The following USP42 variants were observed in gnomAD, a reference collection of about 807,000 sequenced individuals.
USP42 encodes ubiquitin carboxyl-terminal hydrolase 42.
USP42 carries 23 observed loss-of-function variants against 113.0 expected under a neutral mutation model. That is an observed-to-expected ratio of 0.20 (90% confidence interval 0.15 to 0.29). USP42 has a LOEUF of 0.29. Ranked by LOEUF, USP42 falls within the 10% of genes least tolerant of loss-of-function variation. The pLI, the probability that USP42 is intolerant of heterozygous loss-of-function variation, is 1.00. For missense variants in USP42, 2,174 were observed against 1,779.8 expected (o/e 1.22, Z -3.99); for synonymous variants, 933 against 699.0 (o/e 1.33, Z -5.28).
rs960757533 is a variant in USP42 at position 6,158,890 on chromosome 7, A to G, written c.3944-560A>G. On this transcript the variant is annotated intron_variant, in intron 16 of 17. Coordinates refer to ENST00000306177, the MANE Select transcript of USP42 (RefSeq NM_032172.3). This position sits in a 1 kb window ranked among gnomAD's most constrained non-coding sequence, Gnocchi z 4.2. ...CGAGGCAGCTGGTCCAGCGGGAGGG[A>G]GGTTGAACGTGATCTTGTTTGCCTC... 6.6e-6 allele frequency among the ~76,000 whole-genome samples: 1 copy of G among 150,760 alleles called. No individual in the cohort carries two copies. Among genetic ancestry groups the G allele is most frequent in the Non-Finnish European group, 1.5e-5 (1 of 67,700 alleles).
rs760236752 is a variant in USP42 at position 6,156,803 on chromosome 7, C to T, written c.3691C>T (p.His1231Tyr). The T allele has an allele frequency of 1.2e-6, 2 of 1,603,470 alleles. No individual in the cohort carries two copies. The highest frequency in any genetic ancestry group is 1.1e-5 in the South Asian group (1 of 89,326). ...LSAACSDADL[H>Y]RHKKKKKKKK... ...AGCAGCGTGCTCTGACGCTGACCTC[C>T]ACAGACACAAAAAAAAGAAGAAGAA... Residue 1231 changes from histidine to tyrosine, a missense_variant, in exon 16 of 18, where the codon CAC becomes TAC. Transcript: ENST00000306177.
Position 6,158,345 on chromosome 7 carries a change from C to T in USP42, c.3944-1105C>T, listed in dbSNP as rs935068429. ...AAAGGGTTTGTCACCCCTGCCTGGACGCCCATTGTTTGTGTTCACGTGTGA... is the reference window on the plus strand; with the variant it reads ...AAAGGGTTTGTCACCCCTGCCTGGATGCCCATTGTTTGTGTTCACGTGTGA... On this transcript the variant is annotated intron_variant, in intron 16 of 17. Coordinates refer to ENST00000306177, the MANE Select transcript of USP42 (RefSeq NM_032172.3). This position sits in a 1 kb window ranked among gnomAD's most constrained non-coding sequence, Gnocchi z 4.2. 2.6e-5 allele frequency among the ~76,000 whole-genome samples: 4 copies of T among 152,194 alleles called. No individual in the cohort carries two copies. Among genetic ancestry groups the T allele is most frequent in the Admixed American group, 6.5e-5 (1 of 15,286 alleles).
rs1003930888 is a variant in USP42 at position 6,158,260 on chromosome 7, G to A, written c.3944-1190G>A. On this transcript the variant is annotated intron_variant, in intron 16 of 17. Coordinates refer to ENST00000306177, the MANE Select transcript of USP42 (RefSeq NM_032172.3). The surrounding 1 kb of genome is among the most constrained non-coding windows in gnomAD (Gnocchi z 4.2). The stretch of plus-strand genomic sequence containing the variant: ...CTGCCTGGCAGAGGTGAGTGGCTGC[G>A]GCAGGGCAGGGACCGTGTGGCTCGC... 6.6e-6 allele frequency among the ~76,000 whole-genome samples: 1 copy of A among 152,208 alleles called. No individual in the cohort carries two copies.
intron 6 of USP42, among the ~76,000 whole-genome samples, chr7:6,140,404 C>T (rs763820): frequency 6.6e-6 from 1 of 152,126 alleles, no homozygotes; most frequent in Admixed American, 6.5e-5. Flanking sequence ...TGGGAGCATA[C>T]TGTGTGCACT....
rs771306796 is a variant in USP42 at position 6,146,222 on chromosome 7, A to G, written c.1206A>G (p.Gln402=). ...GTGATATTAGATCGGTACTCAGCCA[A>G]CAAGCCTATGTGCTCTTTTATATCA... ...STSDIRSVLS[Q]QAYVLFYIRS... Residue 402 remains glutamine, a synonymous_variant, in exon 11 of 18, where the codon CAA becomes CAG. Coordinates refer to ENST00000306177, the MANE Select transcript of USP42 (RefSeq NM_032172.3). 4.4e-6 allele frequency: 7 copies of G among 1,600,404 alleles called. No individual in the cohort carries two copies. Among genetic ancestry groups the G allele is most frequent in the South Asian group, 1.1e-5 (1 of 87,486 alleles).
At chr7:6,113,621 T>C (rs529007419) in intron 2 of USP42, among the ~76,000 whole-genome samples, 3 of 152,192 alleles carry the variant, frequency 2.0e-5, no homozygotes, top group African/African-American at 7.2e-5. Context: ...TTTTTTGTTT[T>C]TGTTTTTGTT....
chr7:6,125,322 C>G (rs929468280), intron 3 of USP42, among the ~76,000 whole-genome samples: 16 of 152,008 alleles, frequency 1.1e-4, no homozygotes, highest in African/African-American at 3.9e-4. Context: ...AACTTTGTCT[C>G]TACTAAAAAT....
chr7:6,146,320 T>A (rs1583662416), intron 11 of USP42, 72 bp downstream of exon 11: 5 of 959,858 alleles, frequency 5.2e-6, no homozygotes, highest in Non-Finnish European at 7.7e-6. Flanking sequence ...CATGTTTGAA[T>A]TCAATATTCA....
rs548343021 is a variant in USP42, at chr7:6,142,911, T to C, written c.796-21T>C. On this transcript the variant is annotated intron_variant, in intron 7 of 17. Coordinates refer to ENST00000306177, the MANE Select transcript of USP42 (RefSeq NM_032172.3). ...GTGACGGTGTGCGGTGATGTGGTGTTTGTGCCTCTTCTCTTCCCAGGCTGC... is the reference window on the plus strand; with the variant it reads ...GTGACGGTGTGCGGTGATGTGGTGTCTGTGCCTCTTCTCTTCCCAGGCTGC... 6 of 1,613,174 alleles carry C rather than the reference T, an allele frequency of 3.7e-6. No homozygotes were observed. In the East Asian group the frequency reaches 1.3e-4, roughly 36 times the overall value.
At chr7:6,114,674 A>AT (rs1319929669) in intron 2 of USP42, among the ~76,000 whole-genome samples, 642 of 34,726 alleles carry the variant, frequency 0.018, 31 homozygotes, top group Middle Eastern at 0.036. Flanking sequence ...ATATATATAT[A>AT]TATATTTTTT....
Position 6,139,576 on chromosome 7 carries a change from C to T in USP42, c.656+382C>T, listed in dbSNP as rs917051435. On this transcript the variant is annotated intron_variant, in intron 5 of 17. Transcript: ENST00000306177. This position sits in a 1 kb window ranked among gnomAD's most constrained non-coding sequence, Gnocchi z 4.5. ...GTGTTTATTTCCTGAACCCCCACCCCAATCAGTTACTGATTCTTGTAGCTA... is the reference window on the plus strand; with the variant it reads ...GTGTTTATTTCCTGAACCCCCACCCTAATCAGTTACTGATTCTTGTAGCTA... 1.5e-5 allele frequency: 3 copies of T among 198,756 alleles called. No homozygotes were observed. Among genetic ancestry groups the T allele is most frequent in the African/African-American group, 7.1e-5 (3 of 42,342 alleles). 12.3% of individuals were successfully genotyped at this position (198,756 alleles called of 1,614,324 possible).
chr7:6,125,040 G>C (rs956115103), intron 3 of USP42, among the ~76,000 whole-genome samples: 6 of 151,850 alleles, frequency 4.0e-5, no homozygotes, highest in African/African-American at 1.5e-4. Context: ...AATTAGCCGG[G>C]TGTGGTGGCT....
Position 6,154,693 on chromosome 7 carries a change from G to C in USP42, c.3139G>C (p.Glu1047Gln). 1 of 1,603,504 alleles carries C rather than the reference G, an allele frequency of 6.2e-7. No individual in the cohort carries two copies. Among genetic ancestry groups the C allele is most frequent in the Non-Finnish European group, 8.5e-7 (1 of 1,176,014 alleles). ...CGAGGGCGAGCGTGGCTGGGGCCGG[G>C]AGAAGTTCTACCCCGACAGGCCGCG... ...YTEGERGWGR[E>Q]KFYPDRPRWD... Residue 1047 changes from glutamate (E) to glutamine (Q), a missense_variant, in exon 15 of 18, where the codon GAG becomes CAG. Transcript: ENST00000306177.
intron 3 of USP42, among the ~76,000 whole-genome samples, chr7:6,122,669 A>T (rs111958580): frequency 0.096 from 14,533 of 151,234 alleles, 849 homozygotes; most frequent in African/African-American, 0.16. Flanking sequence ...TGGGGTTTCA[A>T]CATGTTGGCC....
upstream of USP42, among the ~76,000 whole-genome samples, chr7:6,103,741 A>AAG: frequency 6.8e-6 from 1 of 146,892 alleles, no homozygotes; most frequent in East Asian, 2.0e-4. Context: ...GTCTCTACAA[A>AAG]AAAAAAAAAA....
the USP42 span, among the ~76,000 whole-genome samples, chr7:6,096,670 C>A: frequency 6.6e-6 from 1 of 151,332 alleles, no homozygotes; most frequent in Non-Finnish European, 1.5e-5. Context: ...TGATTAATCC[C>A]TGGAGATTAA....
the USP42 span, among the ~76,000 whole-genome samples, chr7:6,094,152 G>A: frequency 6.7e-6 from 1 of 149,994 alleles, no homozygotes; most frequent in East Asian, 2.0e-4. Flanking sequence ...GAAGTGCTGG[G>A]ATTACAGGCA....
chr7:6,154,910 C>T lies in USP42; in HGVS notation c.3356C>T (p.Ala1119Val), dbSNP rs1259034280. ...RERHRPSSPR[A>V]GAPHALAPHP... Reference sequence around the variant, plus strand: ...CGGCACCGCCCCAGCAGCCCCCGCGCAGGCGCGCCCCACGCCCTCGCCCCG... The same window carrying T: ...CGGCACCGCCCCAGCAGCCCCCGCGTAGGCGCGCCCCACGCCCTCGCCCCG... Residue 1119 changes from alanine (A) to valine (V), a missense_variant, in exon 15 of 18, where the codon GCA becomes GTA. Transcript: ENST00000306177. 20 of 1,547,012 alleles carry T rather than the reference C, an allele frequency of 1.3e-5. No individual in the cohort carries two copies. The Admixed American group carries it at 2.0e-4, about 15-fold the overall frequency.
At chr7:6,118,812 A>G (rs1780052625) in intron 3 of USP42, among the ~76,000 whole-genome samples, 1 of 152,208 alleles carries the variant, frequency 6.6e-6, no homozygotes, top group Non-Finnish European at 1.5e-5. Context: ...GACAGAAGAA[A>G]AAAAATCAGT....
Sources: gnomAD v4.1 joint callset for allele counts (sites outside exome capture counted in the v4.1 genomes callset) on GRCh38, gnomAD v4.1.1 for gene constraint, Gnocchi (gnomAD v3.1) non-coding constraint, MANE v1.5 for transcripts, NCBI Gene and HGNC (gene_info 2026-07-23, HGNC 2026-07-21) for gene names.